The following SGCZ variants were observed in gnomAD, a reference collection of about 807,000 sequenced individuals.
The protein encoded by SGCZ is zeta-sarcoglycan.
SGCZ carries 40 observed loss-of-function variants against 41.3 expected under a neutral mutation model. The observed-to-expected ratio is 0.97, with a 90% CI of 0.75 to 1.26. SGCZ has a LOEUF of 1.26. SGCZ is among the 50% of genes most tolerant of loss of function. SGCZ has a pLI of 0.00. For synonymous variants in SGCZ, 206 were observed against 137.5 expected (o/e 1.50, Z -3.49); for missense variants, 552 against 369.8 (o/e 1.49, Z -4.04).
chr8:14,684,103 T>C (rs574429192), intron 1 of SGCZ, among the ~76,000 whole-genome samples: 35 of 152,306 alleles, frequency 2.3e-4, no homozygotes, highest in Non-Finnish European at 4.0e-4. Context: ...AATTATGTAC[T>C]TTTCCAGTGA....
At chr8:14,946,005 CATATATATATATATATATATAT>C (rs34647526) in intron 1 of SGCZ, among the ~76,000 whole-genome samples, 213 of 14,884 alleles carry the variant, frequency 0.014, 6 homozygotes, top group Admixed American at 0.038. Flanking sequence ...TAAATGTCCC[CATATATATATATATATATATAT>C]ATATATATAT....
intron 5 of SGCZ, among the ~76,000 whole-genome samples, chr8:14,109,267 T>G (rs1167190032): frequency 6.6e-6 from 1 of 152,204 alleles, no homozygotes; most frequent in African/African-American, 2.4e-5. Flanking sequence ...TATCTCAACT[T>G]TCATTTACTG....
chr8:14,237,465 AGAGT>A (rs1806803943), intron 4 of SGCZ, 123 bp downstream of exon 4: 1 of 860,658 alleles, frequency 1.2e-6, no homozygotes, highest in Non-Finnish European at 1.8e-6. Flanking sequence ...GCCTGGTGAC[AGAGT>A]GAGACTCTGT....
intron 1 of SGCZ, among the ~76,000 whole-genome samples, chr8:14,717,864 T>C (rs971648512): frequency 2.6e-5 from 4 of 152,048 alleles, no homozygotes; most frequent in African/African-American, 9.7e-5. Context: ...AATTCTCCTA[T>C]AACTGTGATT....
At chr8:14,928,044 G>A (rs1474103185) in intron 1 of SGCZ, among the ~76,000 whole-genome samples, 1 of 152,112 alleles carries the variant, frequency 6.6e-6, no homozygotes, top group Non-Finnish European at 1.5e-5. Context: ...ATCTGCCAGA[G>A]GCCTCTGCCT....
chr8:14,465,158 T>C (rs75594079), intron 2 of SGCZ, among the ~76,000 whole-genome samples: 6,236 of 151,816 alleles, frequency 0.041, 402 homozygotes, highest in African/African-American at 0.14. Flanking sequence ...TTATTGAAAG[T>C]AGAGTACTGA....
At chr8:14,738,571 T>C (rs2130268459) in intron 1 of SGCZ, among the ~76,000 whole-genome samples, 1 of 152,216 alleles carries the variant, frequency 6.6e-6, no homozygotes, top group East Asian at 1.9e-4. Context: ...CAGTTACCAT[T>C]CTGATACACC....
At chr8:14,528,738 A>G (rs7837654) in intron 2 of SGCZ, among the ~76,000 whole-genome samples, 99 of 148,936 alleles carry the variant, frequency 6.6e-4, no homozygotes, top group African/African-American at 2.3e-3. Flanking sequence ...CCCAATTTCT[A>G]TTTCTGGGCT....
At chr8:14,515,829 T>C (rs1279059869) in intron 2 of SGCZ, among the ~76,000 whole-genome samples, 1 of 152,114 alleles carries the variant, frequency 6.6e-6, no homozygotes, top group Non-Finnish European at 1.5e-5. Flanking sequence ...GTTTTAGTCT[T>C]TTTCAATTAG....
intron 5 of SGCZ, among the ~76,000 whole-genome samples, chr8:14,110,899 A>C (rs1802351195): frequency 6.6e-6 from 1 of 152,180 alleles, no homozygotes; most frequent in South Asian, 2.1e-4. Flanking sequence ...TCTACTAAAA[A>C]TACAAAAATT....
chr8:15,100,336 CAT>C (rs1005906904), intron 1 of SGCZ, among the ~76,000 whole-genome samples: 8 of 152,088 alleles, frequency 5.3e-5, no homozygotes, highest in African/African-American at 1.4e-4. Context: ...AAATTAAAAA[CAT>C]AACACTATTT....
At chr8:14,204,463 T>C (rs1585229177) in intron 4 of SGCZ, among the ~76,000 whole-genome samples, 1 of 152,174 alleles carries the variant, frequency 6.6e-6, no homozygotes, top group African/African-American at 2.4e-5. Context: ...AAAACCATTG[T>C]TGACCTGCCT....
chr8:14,770,811 C>G (rs1418621067), intron 1 of SGCZ, among the ~76,000 whole-genome samples: 2 of 151,942 alleles, frequency 1.3e-5, no homozygotes, highest in Non-Finnish European at 2.9e-5. Context: ...AAAAAGTGCT[C>G]TCTTAAAGGC....
At chr8:14,181,093 G>A (rs1804709966) in intron 4 of SGCZ, among the ~76,000 whole-genome samples, 1 of 152,168 alleles carries the variant, frequency 6.6e-6, no homozygotes, top group African/African-American at 2.4e-5. Flanking sequence ...GTCTAAGCCA[G>A]GCCTGAGGCC....
intron 7 of SGCZ, among the ~76,000 whole-genome samples, chr8:14,098,130 T>G (rs564977962): frequency 6.6e-6 from 1 of 152,264 alleles, no homozygotes; most frequent in Non-Finnish European, 1.5e-5. Context: ...ATTCAGTAAA[T>G]GAATACATTA....
At chr8:14,193,981 A>G (rs947650682) in intron 4 of SGCZ, among the ~76,000 whole-genome samples, 2 of 151,898 alleles carry the variant, frequency 1.3e-5, no homozygotes. Flanking sequence ...TAACATAACT[A>G]GAATTTCAAA....
At chr8:14,176,479 T>C (rs149656579) in intron 4 of SGCZ, among the ~76,000 whole-genome samples, 1 of 152,342 alleles carries the variant, frequency 6.6e-6, no homozygotes, top group East Asian at 1.9e-4. Context: ...TGTCAAAACT[T>C]GGGAAATATT....
chr8:15,134,913 A>C (rs1452643525), intron 1 of SGCZ, among the ~76,000 whole-genome samples: 1 of 152,168 alleles, frequency 6.6e-6, no homozygotes, highest in Admixed American at 6.5e-5. Flanking sequence ...TGCTTTCAAC[A>C]TCTTAGTTTT....
intron 1 of SGCZ, among the ~76,000 whole-genome samples, chr8:14,709,312 C>T (rs186387667): frequency 6.6e-6 from 1 of 152,154 alleles, no homozygotes; most frequent in Non-Finnish European, 1.5e-5. Flanking sequence ...TAACTAATCC[C>T]TCCAACCCAG....
Sources: gnomAD v4.1 joint callset for allele counts (sites outside exome capture counted in the v4.1 genomes callset) on GRCh38, gnomAD v4.1.1 for gene constraint, MANE v1.5 for transcripts, NCBI Gene and HGNC (gene_info 2026-07-23, HGNC 2026-07-21) for gene names.